The following ATP8A2 variants were observed in gnomAD, a reference collection of about 807,000 sequenced individuals.
ATP8A2 encodes the protein phospholipid-transporting ATPase IB.
In ATP8A2, 100 loss-of-function variants were observed where a neutral mutation model predicts 165.6. The ratio of observed to expected loss-of-function variants is 0.60; its 90% CI spans 0.51 to 0.71. The LOEUF is 0.71. Ranked by LOEUF, ATP8A2 falls within the 30% of genes least tolerant of loss-of-function variation. The pLI, the probability that ATP8A2 is intolerant of heterozygous loss-of-function variation, is 0.00. For missense variants in ATP8A2, 1,227 were observed against 1,479.5 expected, an observed-to-expected ratio of 0.83 and a Z score of 2.80; for synonymous variants, 543 against 548.8, an observed-to-expected ratio of 0.99 and a Z score of 0.15.
intron 1 of ATP8A2, among the ~76,000 whole-genome samples, chr13:25,395,546 G>A (rs978806024): frequency 9.2e-5 from 14 of 152,114 alleles, no homozygotes; most frequent in Middle Eastern, 3.2e-3. Context: ...TTATGCTTAG[G>A]TTTAACAAAG....
At chr13:25,540,168 T>C (rs1344322488) in intron 7 of ATP8A2, 151 bp from the exon 8 acceptor site, 1 of 634,392 alleles carries the variant, frequency 1.6e-6, no homozygotes, top group Non-Finnish European at 2.8e-6. Context: ...TGTTTCCTTT[T>C]TCATCCATTA....
intron 24 of ATP8A2, among the ~76,000 whole-genome samples, chr13:25,609,896 G>T (rs1464606942): frequency 6.7e-6 from 1 of 150,172 alleles, no homozygotes; most frequent in Non-Finnish European, 1.5e-5. Context: ...TTTCATGTTT[G>T]TTGGCCATTT....
intron 30 of ATP8A2, among the ~76,000 whole-genome samples, chr13:25,842,053 G>C (rs779416016): frequency 6.6e-6 from 1 of 152,154 alleles, no homozygotes; most frequent in Non-Finnish European, 1.5e-5. Flanking sequence ...TTCAACACAT[G>C]AGCTTTGCGG....
intron 36 of ATP8A2, 91 bp from the exon 37 acceptor site, chr13:26,019,797 C>T (rs1957056151): frequency 2.4e-6 from 2 of 848,108 alleles, no homozygotes; most frequent in Non-Finnish European, 4.0e-6. Context: ...CACTCACCCG[C>T]ACGCTGCCAA....
intron 1 of ATP8A2, among the ~76,000 whole-genome samples, chr13:25,447,387 T>A (rs1158505502): frequency 1.3e-5 from 2 of 152,196 alleles, no homozygotes; most frequent in Non-Finnish European, 2.9e-5. Context: ...ACATTTATCA[T>A]TTCTCTGTGT....
intron 33 of ATP8A2, among the ~76,000 whole-genome samples, chr13:25,956,646 C>T (rs1955530643): frequency 6.6e-6 from 1 of 152,176 alleles, no homozygotes; most frequent in African/African-American, 2.4e-5. Flanking sequence ...GAAAAACATT[C>T]CATGCTCATG....
At chr13:25,436,623 A>G (rs2034783965) in intron 1 of ATP8A2, among the ~76,000 whole-genome samples, 1 of 152,164 alleles carries the variant, frequency 6.6e-6, no homozygotes, top group South Asian at 2.1e-4. Context: ...GTATATACTC[A>G]CTAATGGGAT....
intron 24 of ATP8A2, among the ~76,000 whole-genome samples, chr13:25,626,196 T>G (rs1169009246): frequency 1.3e-5 from 2 of 152,184 alleles, no homozygotes; most frequent in African/African-American, 4.8e-5. Context: ...CCTTCCTGTC[T>G]TGGTCAATTT....
intron 1 of ATP8A2, among the ~76,000 whole-genome samples, chr13:25,459,626 A>G (rs186229933): frequency 6.6e-6 from 1 of 152,364 alleles, no homozygotes; most frequent in East Asian, 1.9e-4. Context: ...GGGCGTGGTC[A>G]CAAAGTGCTT....
At chr13:25,624,513 C>T (rs1193868528) in intron 24 of ATP8A2, among the ~76,000 whole-genome samples, 1 of 152,148 alleles carries the variant, frequency 6.6e-6, no homozygotes, top group Non-Finnish European at 1.5e-5. Flanking sequence ...TAACAAGATA[C>T]TTAATGTTAA....
At chr13:25,780,791 T>C (rs528243796) in intron 27 of ATP8A2, among the ~76,000 whole-genome samples, 12 of 151,984 alleles carry the variant, frequency 7.9e-5, no homozygotes, top group Admixed American at 7.9e-4. Flanking sequence ...CCTGTGAGAA[T>C]CTAATGCTGC....
chr13:25,860,934 G>A, intron 32 of ATP8A2, 74 bp downstream of exon 32: 2 of 1,081,160 alleles, frequency 1.8e-6, no homozygotes, highest in African/African-American at 1.6e-5. Context: ...TTAAGCCTTG[G>A]GGAAACCATA....
At chr13:26,017,614 T>G (rs1379102020) in intron 36 of ATP8A2, among the ~76,000 whole-genome samples, 1 of 152,208 alleles carries the variant, frequency 6.6e-6, no homozygotes, top group Non-Finnish European at 1.5e-5. Context: ...AGCAACTTGG[T>G]GAAAATCCAA....
Position 25,571,640 on chromosome 13 carries a change from A to C in ATP8A2, c.1610A>C (p.Lys537Thr). The change falls in exon 18 of 37, where the codon AAG becomes ACG. Residue 537 changes from lysine (K) to threonine (T), a missense_variant. By Grantham distance (78) the Lys-to-Thr change is moderately conservative (BLOSUM62 -1). This residue lies in a region of ATP8A2 where 592 missense variants were observed against 785.6 expected (regional missense o/e 0.75). Transcript: ENST00000381655. ...DEAALVKGAK[K>T]LGFVFTARTP... ...GCTGCTTTGGTGAAAGGAGCTAAAA[A>C]GCTGGGCTTTGTCTTCACAGCCAGA... 1 of 1,614,058 alleles carries C rather than the reference A, an allele frequency of 6.2e-7. No individual in the cohort carries two copies. The highest frequency in any genetic ancestry group is 8.5e-7 in the Non-Finnish European group (1 of 1,180,006).
chr13:25,782,671 A>G (rs1418832805), intron 27 of ATP8A2, among the ~76,000 whole-genome samples: 1 of 152,208 alleles, frequency 6.6e-6, no homozygotes, highest in Non-Finnish European at 1.5e-5. Flanking sequence ...ATCATCTATA[A>G]ATTACTTAAA....
chr13:25,716,764 A>G (rs896738844), intron 25 of ATP8A2, among the ~76,000 whole-genome samples: 4 of 152,184 alleles, frequency 2.6e-5, no homozygotes, highest in African/African-American at 9.7e-5. Context: ...TAAACAAGTC[A>G]GACATAGCCC....
intron 27 of ATP8A2, among the ~76,000 whole-genome samples, chr13:25,785,988 G>A (rs1298997929): frequency 6.6e-6 from 1 of 152,224 alleles, no homozygotes; most frequent in Non-Finnish European, 1.5e-5. Context: ...AAGCTGGTCA[G>A]CCTTAGGTGT....
intron 24 of ATP8A2, among the ~76,000 whole-genome samples, chr13:25,659,324 A>G (rs561021810): frequency 2.0e-5 from 3 of 152,334 alleles, no homozygotes; most frequent in Non-Finnish European, 4.4e-5. Flanking sequence ...GCAAGTTAAG[A>G]TCAACAAGCA....
At position 25,862,381 on chromosome 13, in the gene ATP8A2, T is replaced by C. The variant is rs779717679; in HGVS notation, c.3156T>C (p.Ile1052=). The C allele has an allele frequency of 6.2e-6, 10 of 1,613,946 alleles. No homozygotes were observed. In the South Asian group the frequency reaches 1.1e-4, roughly 18 times the overall value. The change falls in exon 33 of 37, where the codon ATT becomes ATC. Residue 1052 remains isoleucine, a synonymous_variant. Transcript: ENST00000381655. ...FGIYSTIWPT[I]PIAPDMRGQA... ...TCTACTCGACCATCTGGCCCACCAT[T>C]CCCATTGCTCCAGATATGAGAGGAC...
Sources: gnomAD v4.1 joint callset for allele counts (sites outside exome capture counted in the v4.1 genomes callset) on GRCh38, gnomAD v4.1.1 for gene constraint, gnomAD v4.1.1 regional missense constraint, MANE v1.5 for transcripts, NCBI Gene and HGNC (gene_info 2026-07-23, HGNC 2026-07-21) for gene names.